The following DAZAP1 variants were observed in gnomAD, a reference collection of about 807,000 sequenced individuals.
DAZAP1 encodes the protein DAZ associated protein 1.
A neutral mutation model predicts 60.1 loss-of-function variants in DAZAP1; 6 were observed. The observed-to-expected ratio is 0.10, with a 90% CI of 0.05 to 0.20. DAZAP1 has a LOEUF of 0.20. Ranked by LOEUF, DAZAP1 falls within the 10% of genes least tolerant of loss-of-function variation. DAZAP1 has a pLI of 1.00. For missense variants in DAZAP1, 366 were observed against 560.4 expected (o/e 0.65, Z 3.50); for synonymous variants, 235 against 215.9 (o/e 1.09, Z -0.78).
In DAZAP1 at chr19:1,428,791, G is replaced by A. The variant is rs775253868; in HGVS notation, c.547-51G>A. The A allele has an allele frequency of 3.4e-5, 55 of 1,609,108 alleles. No individual in the cohort carries two copies. Among genetic ancestry groups the A allele is most frequent in the Admixed American group, 1.2e-4 (7 of 59,590 alleles). ...ACCCGAGGGTGTGTCTAAAGGGAAGGGGGTGCTGGGACCCGCAGCCTCGCC... is the reference window on the plus strand; with the variant it reads ...ACCCGAGGGTGTGTCTAAAGGGAAGAGGGTGCTGGGACCCGCAGCCTCGCC... On this transcript the variant is annotated intron_variant, in intron 7 of 11. Coordinates refer to ENST00000233078, the MANE Select transcript of DAZAP1 (RefSeq NM_018959.4). The surrounding 1 kb of genome is among the most constrained non-coding windows in gnomAD (Gnocchi z 4.0).
rs755221846 is a variant in DAZAP1, at chr19:1,425,829, T to C, written c.464-49T>C. ...CCCTAATACTGTTCATCATCCTGTT[T>C]TGTGTCACAACACCCTGCTACCTTG... On this transcript the variant is annotated intron_variant, in intron 6 of 11. Transcript: ENST00000233078. This position sits in a 1 kb window ranked among gnomAD's most constrained non-coding sequence, Gnocchi z 5.4. The C allele has an allele frequency of 7.9e-7, 1 of 1,266,922 alleles. No individual in the cohort carries two copies. The highest frequency in any genetic ancestry group is 1.2e-6 in the Non-Finnish European group (1 of 863,616). The allele number at this position is 1,266,922 out of a possible 1,614,324, so 78.5% of individuals were successfully genotyped here.
chr19:1,421,132 T>G lies in DAZAP1; in HGVS notation c.304-16T>G, dbSNP rs535150552. 2 of 1,610,532 alleles carry G rather than the reference T, an allele frequency of 1.2e-6. No individual in the cohort carries two copies. Among genetic ancestry groups the G allele is most frequent in the Non-Finnish European group, 1.7e-6 (2 of 1,176,724 alleles). ...GGGTTCCCGTGTGAACTAACTATCCTTCCCTTCTTCAACAGCAGAAAGGAC... is the reference window on the plus strand; with the variant it reads ...GGGTTCCCGTGTGAACTAACTATCCGTCCCTTCTTCAACAGCAGAAAGGAC... On this transcript the variant is annotated splice_polypyrimidine_tract_variant and intron_variant, in intron 4 of 11. Transcript: ENST00000233078.
In DAZAP1 at chr19:1,432,358, G is replaced by T; in HGVS notation, c.872-156G>T. ...GAGCGGCCCGGGACCGTGGCTCTGT[G>T]GTCCATTCTGTGGATGTCCACAAGG... On this transcript the variant is annotated intron_variant, in intron 10 of 11. Coordinates refer to ENST00000233078, the MANE Select transcript of DAZAP1 (RefSeq NM_018959.4). This position sits in a 1 kb window ranked among gnomAD's most constrained non-coding sequence, Gnocchi z 4.9. 1.3e-6 allele frequency: 1 copy of T among 762,372 alleles called. No homozygotes were observed. Among genetic ancestry groups the T allele is most frequent in the Admixed American group, 2.0e-5 (1 of 50,764 alleles). 47.2% of individuals were successfully genotyped at this position (762,372 alleles called of 1,614,324 possible). A position where few individuals can be genotyped will look rare whatever the true frequency, so the allele number is the denominator to read the frequency against.
intron 4 of DAZAP1, among the ~76,000 whole-genome samples, chr19:1,419,913 GATCGTCAACGGCAGCGAGCACTC>G (rs2083100715): frequency 8.6e-6 from 1 of 116,394 alleles, no homozygotes; most frequent in Non-Finnish European, 1.7e-5. Context: ...AAACCATCCC[GATCGTCAACGGCAGCGAGCACTC>G]ACCCCACGCG....
rs190191803 is a variant in DAZAP1, at chr19:1,421,091, C to T, written c.304-57C>T. ...ATTGGCCTTTATGTCCTCCGCAGCT[C>T]GCGGGAGGGTTTGGAGGGTTCCCGT... On this transcript the variant is annotated intron_variant, in intron 4 of 11. Transcript: ENST00000233078. The T allele has an allele frequency of 4.3e-4, 655 of 1,530,750 alleles. 2 individuals carry two copies. The African/African-American group carries it at 5.4e-3, about 13-fold the overall frequency. The allele number at this position is 1,530,750 out of a possible 1,614,324, so 94.8% of individuals were successfully genotyped here. A position where few individuals can be genotyped will look rare whatever the true frequency, so the allele number is the denominator to read the frequency against.
chr19:1,422,200 CG>C lies in DAZAP1; in HGVS notation c.415-146del, dbSNP rs2083176936. The stretch of plus-strand genomic sequence containing the variant: ...CAGCCTTTCTCAGACAGCAGCCCCA[CG>C]GAGCAGCTGTTGCCCGTGCACCTCC... On this transcript the variant is annotated intron_variant, in intron 5 of 11. Coordinates refer to ENST00000233078, the MANE Select transcript of DAZAP1 (RefSeq NM_018959.4). This position sits in a 1 kb window ranked among gnomAD's most constrained non-coding sequence, Gnocchi z 4.5. 1.5e-6 allele frequency: 1 copy of C among 674,760 alleles called. No individual in the cohort carries two copies. The highest frequency in any genetic ancestry group is 2.6e-6 in the Non-Finnish European group (1 of 385,586). The allele number at this position is 674,760 out of a possible 1,614,324, so 41.8% of individuals were successfully genotyped here. A position where few individuals can be genotyped will look rare whatever the true frequency, so the allele number is the denominator to read the frequency against.
Position 1,418,104 on chromosome 19 carries a change from G to A in DAZAP1, c.71-100G>A. On this transcript the variant is annotated intron_variant, in intron 2 of 11. Transcript: ENST00000233078. This position sits in a 1 kb window ranked among gnomAD's most constrained non-coding sequence, Gnocchi z 5.7. ...CCAGTGCAGCATCGCTCGGTGCGTG[G>A]CTGGTGGACTGGAGGAGTGTGCGTG... 2 of 1,273,698 alleles carry A rather than the reference G, an allele frequency of 1.6e-6. No individual in the cohort carries two copies. Among genetic ancestry groups the A allele is most frequent in the Non-Finnish European group, 2.2e-6 (2 of 892,702 alleles). The allele number at this position is 1,273,698 out of a possible 1,614,324, so 78.9% of individuals were successfully genotyped here. A position where few individuals can be genotyped will look rare whatever the true frequency, so the allele number is the denominator to read the frequency against.
Position 1,434,446 on chromosome 19 carries a change from C to G in DAZAP1, c.1049-291C>G, listed in dbSNP as rs529760769. On this transcript the variant is annotated intron_variant, in intron 11 of 11. Coordinates refer to ENST00000233078, the MANE Select transcript of DAZAP1 (RefSeq NM_018959.4). This position sits in a 1 kb window ranked among gnomAD's most constrained non-coding sequence, Gnocchi z 8.0. ...GGCTTCTCTACCTCCCCTCACCCCC[C>G]CAACCACGTCTTCGGGATTGAACAG... The G allele has an allele frequency of 6.5e-5, 24 of 369,502 alleles. No homozygotes were observed. The highest frequency in any genetic ancestry group is 2.2e-4 in the Admixed American group (5 of 22,306). 22.9% of individuals were successfully genotyped at this position (369,502 alleles called of 1,614,324 possible). A position where few individuals can be genotyped will look rare whatever the true frequency, so the allele number is the denominator to read the frequency against.
rs2083541029 is a variant in DAZAP1, at chr19:1,434,424, T to C, written c.1049-313T>C. ...CATGTGTGTCTCCAAGCCCCGAGGC[T>C]TCTCTACCTCCCCTCACCCCCCCAA... On this transcript the variant is annotated intron_variant, in intron 11 of 11. Coordinates refer to ENST00000233078, the MANE Select transcript of DAZAP1 (RefSeq NM_018959.4). This position sits in a 1 kb window ranked among gnomAD's most constrained non-coding sequence, Gnocchi z 8.0. 3.0e-6 allele frequency: 1 copy of C among 330,220 alleles called. No homozygotes were observed. Among genetic ancestry groups the C allele is most frequent in the Non-Finnish European group, 5.6e-6 (1 of 177,264 alleles). 20.5% of individuals were successfully genotyped at this position (330,220 alleles called of 1,614,324 possible). A position where few individuals can be genotyped will look rare whatever the true frequency, so the allele number is the denominator to read the frequency against.
intron 1 of DAZAP1, among the ~76,000 whole-genome samples, chr19:1,414,875 G>A (rs147148583): frequency 6.6e-6 from 1 of 150,390 alleles, no homozygotes; most frequent in Non-Finnish European, 1.5e-5. Context: ...CCCTGCTGGA[G>A]TGCAGTGACA....
intron 6 of DAZAP1, among the ~76,000 whole-genome samples, chr19:1,424,375 G>A (rs947129936): frequency 2.7e-4 from 22 of 81,928 alleles, no homozygotes; most frequent in Non-Finnish European, 3.5e-4. Flanking sequence ...CTCCCCCTCC[G>A]TCTGGTTGCA....
intron 10 of DAZAP1, among the ~76,000 whole-genome samples, chr19:1,430,933 G>C (rs2083434848): frequency 6.6e-6 from 1 of 151,274 alleles, no homozygotes; most frequent in Non-Finnish European, 1.5e-5. Context: ...ATGTTAGCCA[G>C]GGTGGTCTCG....
chr19:1,432,333 G>T lies in DAZAP1; in HGVS notation c.872-181G>T, dbSNP rs573702139. On this transcript the variant is annotated intron_variant, in intron 10 of 11. Transcript: ENST00000233078. This position sits in a 1 kb window ranked among gnomAD's most constrained non-coding sequence, Gnocchi z 4.9. ...CCCAGGAGTGTGTGTTTCCTGGGGG[G>T]AGCGGCCCGGGACCGTGGCTCTGTG... 37 of 662,950 alleles carry T rather than the reference G, an allele frequency of 5.6e-5. No homozygotes were observed. Among genetic ancestry groups the T allele is most frequent in the African/African-American group, 4.9e-4 (27 of 55,374 alleles). 41.1% of individuals were successfully genotyped at this position (662,950 alleles called of 1,614,324 possible).
chr19:1,408,016 C>G (rs1040464416), intron 1 of DAZAP1, among the ~76,000 whole-genome samples: 1 of 151,928 alleles, frequency 6.6e-6, no homozygotes, highest in African/African-American at 2.4e-5. Context: ...CCGCCGCTTC[C>G]CGGCTTCCCG....
Position 1,425,739 on chromosome 19 carries a change from C to T in DAZAP1, c.464-139C>T. ...TGGCTCCTGGGGAGGGAGGCAGCTG[C>T]CCCAGGGGCCCGCAGCGCCCCACAC... On this transcript the variant is annotated intron_variant, in intron 6 of 11. Transcript: ENST00000233078. This position sits in a 1 kb window ranked among gnomAD's most constrained non-coding sequence, Gnocchi z 5.4. The T allele has an allele frequency of 1.5e-6, 1 of 670,660 alleles. No individual in the cohort carries two copies. The highest frequency in any genetic ancestry group is 2.7e-6 in the Non-Finnish European group (1 of 368,390). 41.5% of individuals were successfully genotyped at this position (670,660 alleles called of 1,614,324 possible). A position where few individuals can be genotyped will look rare whatever the true frequency, so the allele number is the denominator to read the frequency against.
At chr19:1,412,671 G>A (rs1600185995) in intron 1 of DAZAP1, among the ~76,000 whole-genome samples, 1 of 152,242 alleles carries the variant, frequency 6.6e-6, no homozygotes, top group South Asian at 2.1e-4. Context: ...TCTGCAGATG[G>A]ACTTTACGCA....
intron 10 of DAZAP1, among the ~76,000 whole-genome samples, chr19:1,430,940 C>G (rs1361682034): frequency 6.6e-6 from 1 of 150,916 alleles, no homozygotes; most frequent in African/African-American, 2.4e-5. Flanking sequence ...CCAGGGTGGT[C>G]TCGATCTCCT....
In DAZAP1 at chr19:1,433,873, G is replaced by A. The variant is rs376812277; in HGVS notation, c.1049-864G>A. On this transcript the variant is annotated intron_variant, in intron 11 of 11. Coordinates refer to ENST00000233078, the MANE Select transcript of DAZAP1 (RefSeq NM_018959.4). The surrounding 1 kb of genome is among the most constrained non-coding windows in gnomAD (Gnocchi z 6.1). ...CAGGGTCCTCCCACCCGCCTGCACC[G>A]GGAGGTGGACGTGGCTTCCTCTGCC... The A allele has an allele frequency of 4.3e-5, 68 of 1,568,038 alleles. No homozygotes were observed. The East Asian group carries it at 5.8e-4, about 13-fold the overall frequency.
intron 8 of DAZAP1, among the ~76,000 whole-genome samples, chr19:1,429,739 C>T (rs1271188360): frequency 4.6e-5 from 7 of 152,236 alleles, no homozygotes; most frequent in Non-Finnish European, 1.0e-4. Context: ...CAGTGCCCGC[C>T]ACCTGGCAGG....
Sources: allele counts gnomAD v4.1 joint callset (sites outside exome capture counted in the v4.1 genomes callset), GRCh38; gene constraint gnomAD v4.1.1; non-coding constraint Gnocchi (gnomAD v3.1); transcripts MANE v1.5; gene names NCBI Gene and HGNC (gene_info 2026-07-23, HGNC 2026-07-21).